H6PD: variants seen among roughly 807,000 people sequenced by gnomAD.
H6PD encodes GDH/6PGL endoplasmic bifunctional protein.
A neutral mutation model predicts 61.2 loss-of-function variants in H6PD; 48 were observed. The ratio of observed to expected loss-of-function variants is 0.78; its 90% confidence interval spans 0.62 to 1.00. The LOEUF (loss-of-function observed/expected upper bound fraction) is 1.00, where lower values mean the gene tolerates loss of function less well. H6PD is among the 50% of genes least tolerant of loss of function. The probability of loss-of-function intolerance (pLI) is 0.00; values close to 1 mark genes in which losing one functional copy is unlikely to be tolerated. For missense variants in H6PD, 1,093 were observed against 1,065.0 expected (o/e 1.03, Z -0.37); for synonymous variants, 480 against 457.9 (o/e 1.05, Z -0.62).
At chr1:9,243,881 G>T (rs9434729) in intron 1 of H6PD, among the ~76,000 whole-genome samples, 5 of 149,448 alleles carry the variant, frequency 3.3e-5, no homozygotes, top group African/African-American at 7.4e-5. Context: ...GGCGGTGGGA[G>T]GGGGGGTCTG....
chr1:9,246,510 G>A (rs1641180514), intron 2 of H6PD, among the ~76,000 whole-genome samples: 3 of 152,140 alleles, frequency 2.0e-5, no homozygotes, highest in African/African-American at 7.2e-5. Flanking sequence ...CAGTTGTTGA[G>A]GACAGAGACA....
chr1:9,252,485 T>G (rs892437363), intron 3 of H6PD, among the ~76,000 whole-genome samples: 2 of 152,156 alleles, frequency 1.3e-5, no homozygotes, highest in Admixed American at 1.3e-4. Context: ...CCTCTCTTGC[T>G]TTAACCTCCC....
At position 9,247,070 on chromosome 1, in the gene H6PD, C is replaced by G. The variant is rs118005430; in HGVS notation, c.732C>G (p.Thr244=). The change falls in exon 3 of 5, where the codon ACC becomes ACG. Residue 244 remains threonine (T), a synonymous_variant. Transcript: ENST00000377403. ...GGGTGGAGATCATCATGAAAGAGAC[C>G]GTGGATGCTGAAGGTGTGTGAGTGG... is the stretch of plus-strand genomic sequence containing the variant. ...VERVEIIMKE[T]VDAEGRTSFY... 1.2e-6 allele frequency: 2 copies of G among 1,608,436 alleles called. No individual in the cohort carries two copies. The highest frequency in any genetic ancestry group is 1.3e-5 in the African/African-American group (1 of 74,816).
At chr1:9,256,464 C>T (rs1282367135) in intron 3 of H6PD, among the ~76,000 whole-genome samples, 1 of 152,176 alleles carries the variant, frequency 6.6e-6, no homozygotes, top group Non-Finnish European at 1.5e-5. Context: ...TCGGGAATGG[C>T]ATATCGGGCT....
rs199919142 is a variant in H6PD at position 9,263,639 on chromosome 1, C to T, written c.1146C>T (p.Ser382=). 2.4e-5 allele frequency: 38 copies of T among 1,614,080 alleles called. No individual in the cohort carries two copies. Among genetic ancestry groups the T allele is most frequent in the Middle Eastern group, 3.3e-4 (2 of 6,084 alleles). Residue 382 remains serine, a synonymous_variant, in exon 5 of 5, where the codon AGC becomes AGT. Coordinates refer to ENST00000377403, the MANE Select transcript of H6PD (RefSeq NM_004285.4). Reference sequence around the variant, plus strand: ...AGAACCAGGCCTGCTGTGTGCAGAGCGAAAAGCACTGGGCCGCGGCGCAGA... The same window carrying T: ...AGAACCAGGCCTGCTGTGTGCAGAGTGAAAAGCACTGGGCCGCGGCGCAGA... ...LFKNQACCVQ[S]EKHWAAAQSQ...
rs1357825813 is a variant in H6PD at position 9,245,081 on chromosome 1, G to A, written c.147G>A (p.Leu49=). 1.2e-6 allele frequency: 2 copies of A among 1,614,076 alleles called. No homozygotes were observed. The highest frequency in any genetic ancestry group is 2.7e-5 in the African/African-American group (2 of 74,938). ...KKYLWQGLFQ[L]YLDEAGRGHS... ...ACTTATGGCAGGGACTGTTCCAGCT[G>A]TACCTGGATGAAGCGGGGAGGGGTC... is the stretch of plus-strand genomic sequence containing the variant. Residue 49 remains leucine, a synonymous_variant, in exon 2 of 5, where the codon CTG becomes CTA. Transcript: ENST00000377403. The surrounding 1 kb of genome is among the most constrained non-coding windows in gnomAD (Gnocchi z 4.8).
chr1:9,258,273 G>A (rs921280248), intron 3 of H6PD, among the ~76,000 whole-genome samples: 5 of 60,422 alleles, frequency 8.3e-5, no homozygotes, highest in Admixed American at 2.0e-4. Flanking sequence ...GTGTTGTTAC[G>A]TTGCTGTTGT....
At position 9,264,120 on chromosome 1, in the gene H6PD, T is replaced by C. The variant is rs1638456629; in HGVS notation, c.1627T>C (p.Phe543Leu). The stretch of plus-strand genomic sequence containing the variant: ...AGGGCCGGCCCCAATGCCCAGTGAC[T>C]TCCAGGTCCTCAGGGCCAAGTACCG... ...GPGPAPMPSD[F>L]QVLRAKYRES... Residue 543 changes from phenylalanine (F) to leucine (L), a missense_variant, in exon 5 of 5, where the codon TTC (phenylalanine) becomes CTC (leucine). Coordinates refer to ENST00000377403, the MANE Select transcript of H6PD (RefSeq NM_004285.4). The C allele has an allele frequency of 1.2e-6, 2 of 1,613,722 alleles. No individual in the cohort carries two copies. The highest frequency in any genetic ancestry group is 2.7e-5 in the African/African-American group (2 of 74,942).
chr1:9,249,594 A>G (rs1395609327), intron 3 of H6PD, among the ~76,000 whole-genome samples: 1 of 152,114 alleles, frequency 6.6e-6, no homozygotes, highest in Non-Finnish European at 1.5e-5. Flanking sequence ...CAAGGCCTTT[A>G]GTACAGCTGG....
chr1:9,235,747 A>G lies in H6PD; in HGVS notation c.-11+681A>G, dbSNP rs1192587661. Among the ~76,000 whole-genome samples, 5 of 152,128 alleles carry G rather than the reference A, an allele frequency of 3.3e-5. 1 individual carries two copies. Among genetic ancestry groups the G allele is most frequent in the East Asian group, 3.9e-4 (2 of 5,168 alleles). ...TGCCTCAGCCTCCGGGGTAGCTGGG[A>G]CCACAGGCGCACACCACCACGCCTG... On this transcript the variant is annotated intron_variant, in intron 1 of 4. Coordinates refer to ENST00000377403, the MANE Select transcript of H6PD (RefSeq NM_004285.4).
intron 3 of H6PD, among the ~76,000 whole-genome samples, chr1:9,250,633 CAACCCTAGCTG>C (rs747868463): frequency 1.2e-4 from 18 of 152,190 alleles, no homozygotes; most frequent in Non-Finnish European, 2.5e-4. Context: ...TGCAGTGGTG[CAACCCTAGCTG>C]ACTCCTAGGC....
intron 3 of H6PD, among the ~76,000 whole-genome samples, chr1:9,260,902 G>A (rs1638254691): frequency 6.6e-6 from 1 of 152,000 alleles, no homozygotes; most frequent in South Asian, 2.1e-4. Context: ...GCCTCCCCGT[G>A]TCTGTGAGCG....
intron 1 of H6PD, chr1:9,242,544 A>T: frequency 1.0e-6 from 1 of 985,066 alleles, no homozygotes; most frequent in African/African-American, 1.7e-5. Flanking sequence ...GTCAGGGAGG[A>T]CTGTGGCAAA....
At chr1:9,246,208 T>C (rs1018667876) in intron 2 of H6PD, among the ~76,000 whole-genome samples, 3 of 152,184 alleles carry the variant, frequency 2.0e-5, no homozygotes, top group Non-Finnish European at 4.4e-5. Context: ...CCTCCCAAAG[T>C]GCTGGGATTA....
intron 3 of H6PD, among the ~76,000 whole-genome samples, chr1:9,258,231 G>A (rs997395202): frequency 1.3e-5 from 2 of 152,072 alleles, no homozygotes; most frequent in Non-Finnish European, 2.9e-5. Flanking sequence ...CTGTTGTTAC[G>A]CTGGTGGTGT....
chr1:9,239,712 G>A (rs755431756), intron 1 of H6PD: 28 of 345,126 alleles, frequency 8.1e-5, no homozygotes, highest in Non-Finnish European at 4.7e-5. Context: ...CCTGCCTGGC[G>A]CACAGAAGGT....
intron 3 of H6PD, among the ~76,000 whole-genome samples, chr1:9,261,737 G>T (rs750625108): frequency 7.9e-5 from 12 of 152,256 alleles, no homozygotes; most frequent in Admixed American, 2.0e-4. Flanking sequence ...AGGCAGGGCG[G>T]GGCGAGGGGC....
Position 9,264,574 on chromosome 1 carries a change from G to A in H6PD, c.2081G>A (p.Gly694Asp). Residue 694 changes from glycine (G) to aspartate (D), a missense_variant, in exon 5 of 5, where the codon GGT becomes GAT. By Grantham distance (94) the Gly-to-Asp change is moderately conservative. Transcript: ENST00000377403. ...SSFDLVLLGM[G>D]ADGHTASLFP... is the part of the protein sequence containing the mutation. Reference sequence around the variant, plus strand: ...TTCGACCTGGTGCTGCTGGGCATGGGTGCCGACGGGCACACAGCCTCCCTC... The same window carrying A: ...TTCGACCTGGTGCTGCTGGGCATGGATGCCGACGGGCACACAGCCTCCCTC... 1.2e-6 allele frequency: 2 copies of A among 1,613,302 alleles called. No homozygotes were observed. Among genetic ancestry groups the A allele is most frequent in the Non-Finnish European group, 1.7e-6 (2 of 1,179,962 alleles).
chr1:9,236,110 T>C lies in H6PD; in HGVS notation c.-11+1044T>C, dbSNP rs556932016. Among the ~76,000 whole-genome samples, 30 of 152,260 alleles carry C rather than the reference T, an allele frequency of 2.0e-4. No individual in the cohort carries two copies. The South Asian group carries it at 5.8e-3, about 29-fold the overall frequency. ...TTCAAGCGATTCTTCCACCTCAGCC[T>C]CCTGAGTGGCTGGGATTACAGGCGC... On this transcript the variant is annotated intron_variant, in intron 1 of 4. Transcript: ENST00000377403.
Sources: gnomAD v4.1 joint callset for allele counts (sites outside exome capture counted in the v4.1 genomes callset) on GRCh38, gnomAD v4.1.1 for gene constraint, Gnocchi (gnomAD v3.1) non-coding constraint, MANE v1.5 for transcripts, NCBI Gene and HGNC (gene_info 2026-07-23, HGNC 2026-07-21) for gene names.